FAM178B: variants seen among roughly 807,000 people sequenced by gnomAD.
The protein encoded by FAM178B is family with sequence similarity 178 member B.
In FAM178B, 82 loss-of-function variants were observed where a neutral mutation model predicts 91.7. That is an observed-to-expected ratio of 0.89 (90% CI 0.75 to 1.07). The LOEUF (loss-of-function observed/expected upper bound fraction) is 1.07. FAM178B is among the 50% of genes least tolerant of loss of function. The probability of loss-of-function intolerance (pLI) is 0.00; values close to 1 mark genes in which losing one functional copy is unlikely to be tolerated. For synonymous variants in FAM178B, 368 were observed against 359.4 expected, an observed-to-expected ratio of 1.02 and a Z score of -0.27; for missense variants, 769 against 846.7, an observed-to-expected ratio of 0.91 and a Z score of 1.14.
intron 16 of FAM178B, 117 bp from the exon 17 acceptor site, chr2:96,876,425 C>T (rs1177414924): frequency 1.5e-6 from 2 of 1,303,360 alleles, no homozygotes; most frequent in Non-Finnish European, 1.1e-6. Flanking sequence ...ATGCCAGGGG[C>T]CGAGTGAGCA....
chr2:96,942,320 C>T (rs1479210375), intron 8 of FAM178B, among the ~76,000 whole-genome samples: 1 of 152,196 alleles, frequency 6.6e-6, no homozygotes, highest in Non-Finnish European at 1.5e-5. Flanking sequence ...CTATTAAAAT[C>T]CCAGCTTTCA....
intron 14 of FAM178B, among the ~76,000 whole-genome samples, chr2:96,880,179 A>C (rs1239630407): frequency 5.3e-5 from 8 of 152,234 alleles, no homozygotes; most frequent in Non-Finnish European, 1.0e-4. Context: ...TGGCGAGTAC[A>C]ACTTAGAGGC....
At chr2:96,977,851 G>T (rs1296015018) in intron 1 of FAM178B, 1 of 451,920 alleles carries the variant, frequency 2.2e-6, no homozygotes, top group Non-Finnish European at 4.4e-6. Flanking sequence ...GACGGTTTTT[G>T]CTGTTCCAGT....
chr2:96,922,127 C>T (rs113046946), intron 10 of FAM178B, among the ~76,000 whole-genome samples: 1,882 of 152,158 alleles, frequency 0.012, 39 homozygotes, highest in African/African-American at 0.043. Flanking sequence ...TGCTAAAAGA[C>T]ACTCCCACCA....
chr2:96,902,467 G>A (rs1264968668), intron 13 of FAM178B, among the ~76,000 whole-genome samples, 153 bp downstream of exon 13: 1 of 152,222 alleles, frequency 6.6e-6, no homozygotes, highest in East Asian at 1.9e-4. Context: ...CTAGCACATG[G>A]CTGGCATGCA....
intron 8 of FAM178B, 31 bp downstream of exon 8, chr2:96,947,787 G>A (rs570347977): frequency 3.9e-4 from 516 of 1,327,794 alleles, no homozygotes; most frequent in Non-Finnish European, 5.1e-4. Context: ...AGCTCAGTGC[G>A]CCAATCTCCA....
chr2:96,880,747 A>G (rs1295819015), intron 14 of FAM178B, among the ~76,000 whole-genome samples: 1 of 152,074 alleles, frequency 6.6e-6, no homozygotes, highest in African/African-American at 2.4e-5. Context: ...GGCGCCCGCC[A>G]CCGTGCCCGG....
At chr2:96,897,933 T>G in intron 13 of FAM178B, 2 of 985,056 alleles carry the variant, frequency 2.0e-6, no homozygotes, top group Non-Finnish European at 2.4e-6. Context: ...CTCAATGCTG[T>G]AAGTCCTGTC....
chr2:96,923,435 T>A, intron 10 of FAM178B, 55 bp downstream of exon 10: 1 of 1,334,788 alleles, frequency 7.5e-7, no homozygotes, highest in South Asian at 1.3e-5. Flanking sequence ...AGCTGCTGAA[T>A]GGGTCTGAAC....
chr2:96,887,945 C>T (rs896818135), intron 14 of FAM178B, among the ~76,000 whole-genome samples: 5 of 152,104 alleles, frequency 3.3e-5, no homozygotes, highest in African/African-American at 1.2e-4. Context: ...AGCCTGCCTC[C>T]GCAGCTTAAC....
At position 96,967,531 on chromosome 2, in the gene FAM178B, T is replaced by C; in HGVS notation, c.723A>G (p.Thr241=). The C allele has an allele frequency of 1.9e-6, 3 of 1,546,474 alleles. No homozygotes were observed. The highest frequency in any genetic ancestry group is 2.6e-6 in the Non-Finnish European group (3 of 1,143,604). ...CCCCTGCCCCTCACCTGTGCTCGGG[T>C]GTGAGTGGCACTTCCTCTTCATCAA... The part of the protein sequence containing the change: ...LDLDEEEVPL[T]PEHRMLVEKY... Residue 241 remains threonine (T), a synonymous_variant, in exon 5 of 17, where the codon ACA becomes ACG. Transcript: ENST00000490605.
chr2:96,922,093 T>C (rs2081350707), intron 10 of FAM178B, among the ~76,000 whole-genome samples: 1 of 152,154 alleles, frequency 6.6e-6, no homozygotes, highest in African/African-American at 2.4e-5. Flanking sequence ...CTGCTTATTA[T>C]ATGCTAATAA....
intron 8 of FAM178B, among the ~76,000 whole-genome samples, chr2:96,937,525 G>A (rs985130378): frequency 1.3e-5 from 2 of 152,156 alleles, no homozygotes; most frequent in Non-Finnish European, 2.9e-5. Flanking sequence ...AGTAGCCCAG[G>A]GGCTCTCAGT....
chr2:96,928,840 A>G (rs959546844), intron 9 of FAM178B, among the ~76,000 whole-genome samples: 1 of 152,138 alleles, frequency 6.6e-6, no homozygotes, highest in African/African-American at 2.4e-5. Flanking sequence ...GAGTCCAGCA[A>G]CTTCCAAACA....
chr2:96,903,517 G>A (rs556046306), intron 12 of FAM178B, among the ~76,000 whole-genome samples: 8 of 152,330 alleles, frequency 5.3e-5, no homozygotes, highest in Middle Eastern at 3.4e-3. Context: ...CCCAGGACAG[G>A]CACCTGACCC....
intron 13 of FAM178B, chr2:96,895,271 C>T: frequency 2.4e-6 from 1 of 411,528 alleles, no homozygotes; most frequent in South Asian, 2.0e-5. Flanking sequence ...AACGAGACTT[C>T]CTTATCATCA....
intron 7 of FAM178B, among the ~76,000 whole-genome samples, chr2:96,950,280 C>T (rs1261548128): frequency 6.6e-6 from 1 of 152,200 alleles, no homozygotes; most frequent in Non-Finnish European, 1.5e-5. Flanking sequence ...ATAATGGCCC[C>T]ACTGTTCCCC....
At chr2:96,949,451 C>T (rs961825541) in intron 7 of FAM178B, among the ~76,000 whole-genome samples, 1 of 152,152 alleles carries the variant, frequency 6.6e-6, no homozygotes, top group African/African-American at 2.4e-5. Flanking sequence ...CTTACTTGGC[C>T]ATGGAACCTG....
At chr2:96,933,902 C>T (rs2081583196) in intron 8 of FAM178B, among the ~76,000 whole-genome samples, 1 of 152,232 alleles carries the variant, frequency 6.6e-6, no homozygotes, top group South Asian at 2.1e-4. Flanking sequence ...GCGGGGCTCA[C>T]AATGTTTACG....
Sources: allele counts gnomAD v4.1 joint callset (sites outside exome capture counted in the v4.1 genomes callset), GRCh38; gene constraint gnomAD v4.1.1; transcripts MANE v1.5; gene names NCBI Gene and HGNC (gene_info 2026-07-23, HGNC 2026-07-21).